Variants in SMIM17 observed in about 807,000 individuals in gnomAD.
SMIM17 encodes small integral membrane protein 17.
SMIM17 carries 10 observed loss-of-function variants against 12.2 expected under a neutral mutation model. The observed-to-expected ratio is 0.82, with a 90% CI of 0.50 to 1.39. The LOEUF (loss-of-function observed/expected upper bound fraction) is 1.39, where lower values mean the gene tolerates loss of function less well. SMIM17 is among the 40% of genes most tolerant of loss of function. The probability of loss-of-function intolerance (pLI) is 0.00; values close to 1 mark genes in which losing one functional copy is unlikely to be tolerated. For missense variants in SMIM17, 136 were observed against 118.2 expected, an observed-to-expected ratio of 1.15 and a Z score of -0.70; for synonymous variants, 50 against 44.1, an observed-to-expected ratio of 1.13 and a Z score of -0.53.
intron 3 of SMIM17, among the ~76,000 whole-genome samples, chr19:56,649,935 C>T (rs1390635458): frequency 2.0e-5 from 3 of 151,976 alleles, no homozygotes; most frequent in Admixed American, 6.6e-5. Context: ...AGTCCCACAC[C>T]GAGGAGGTTG....
At chr19:56,652,965 T>C (rs950878775) in intron 3 of SMIM17, among the ~76,000 whole-genome samples, 2 of 152,250 alleles carry the variant, frequency 1.3e-5, no homozygotes, top group Non-Finnish European at 2.9e-5. Context: ...CTATTATGTG[T>C]GATGTGTGTA....
At chr19:56,646,046 C>T (rs1404708678) in intron 2 of SMIM17, among the ~76,000 whole-genome samples, 1 of 152,162 alleles carries the variant, frequency 6.6e-6, no homozygotes, top group Non-Finnish European at 1.5e-5. Context: ...TTCTGTGGGT[C>T]AGAAGTTTGA....
intron 3 of SMIM17, among the ~76,000 whole-genome samples, chr19:56,651,029 G>A (rs1427898761): frequency 2.0e-5 from 3 of 152,178 alleles, no homozygotes; most frequent in Admixed American, 1.3e-4. Flanking sequence ...TGCATGGACA[G>A]ACCCTCCTTC....
chr19:56,646,632 G>A (rs1461872153), intron 2 of SMIM17, among the ~76,000 whole-genome samples: 2 of 152,184 alleles, frequency 1.3e-5, no homozygotes, highest in Admixed American at 6.5e-5. Context: ...GTAGGGCTAG[G>A]AAGTCAAGAA....
At chr19:56,644,842 A>G (rs997108675) in intron 1 of SMIM17, among the ~76,000 whole-genome samples, 2 of 152,158 alleles carry the variant, frequency 1.3e-5, no homozygotes, top group Admixed American at 6.5e-5. Flanking sequence ...GCACGATCCT[A>G]GCTCACTGAA....
At chr19:56,646,175 G>T (rs564992202) in intron 2 of SMIM17, among the ~76,000 whole-genome samples, 1 of 152,144 alleles carries the variant, frequency 6.6e-6, no homozygotes, top group African/African-American at 2.4e-5. Context: ...CTGGCTGTTG[G>T]CTGGCTTGGT....
At position 56,652,671 on chromosome 19, in the gene SMIM17, A is replaced by AAAAG. The variant is rs1555778634; in HGVS notation, c.247-2431_247-2430insAAGA. Among the ~76,000 whole-genome samples the AAAAG allele has an allele frequency of 6.8e-3, 1,025 of 150,338 alleles. 4 individuals carry two copies. Among genetic ancestry groups the AAAAG allele is most frequent in the Non-Finnish European group, 8.5e-3 (576 of 67,582 alleles). On this transcript the variant is annotated intron_variant, in intron 3 of 3. Transcript: ENST00000598409. ...TCCTTCTCAAAAAAAAGAAAAAAAA[A>AAAAG]AGAGAGAGAGAGAGAGAGTTATCCT...
At position 56,647,577 on chromosome 19, in the gene SMIM17, T is replaced by C. The variant is rs2045074309; in HGVS notation, c.189T>C (p.Thr63=). 6.5e-7 allele frequency: 1 copy of C among 1,535,726 alleles called. No individual in the cohort carries two copies. Among genetic ancestry groups the C allele is most frequent in the African/African-American group, 1.4e-5 (1 of 72,980 alleles). Residue 63 remains threonine (T), a synonymous_variant, in exon 3 of 4, where the codon ACT becomes ACC. Coordinates refer to ENST00000598409, the MANE Select transcript of SMIM17 (RefSeq NM_001193628.2). Reference sequence around the variant, plus strand: ...ACCCAGACCTGTCTTCTCAAGAGACTGGGCTTTCCCAGGAGTGGAGCTCGG... The same window carrying C: ...ACCCAGACCTGTCTTCTCAAGAGACCGGGCTTTCCCAGGAGTGGAGCTCGG... ...SDEKDLSSQE[T]GLSQEWSSVE...
At chr19:56,644,702 G>A (rs948932950) in intron 1 of SMIM17, among the ~76,000 whole-genome samples, 3 of 152,176 alleles carry the variant, frequency 2.0e-5, no homozygotes, top group African/African-American at 4.8e-5. Flanking sequence ...CCTTACAATA[G>A]AGAAGTATTT....
rs2045150115 is a variant in SMIM17 at position 56,656,161 on chromosome 19, G to T, written c.*948G>T. Reference sequence around the variant, plus strand: ...GGGTTTCACCGTGTTAGCCAGGATGGTCTCGATCTCCTGACCTCGTGATCC... The same window carrying T: ...GGGTTTCACCGTGTTAGCCAGGATGTTCTCGATCTCCTGACCTCGTGATCC... On this transcript the variant is annotated 3_prime_UTR_variant, in exon 4 of 4. Transcript: ENST00000598409. 6.6e-6 allele frequency among the ~76,000 whole-genome samples: 1 copy of T among 151,876 alleles called. No homozygotes were observed. The highest frequency in any genetic ancestry group is 1.5e-5 in the Non-Finnish European group (1 of 67,978).
intron 3 of SMIM17, among the ~76,000 whole-genome samples, chr19:56,651,510 C>A (rs1031987172): frequency 2.6e-5 from 4 of 152,160 alleles, no homozygotes; most frequent in African/African-American, 9.7e-5. Context: ...CCCATCATTA[C>A]CGTTCCATAA....
chr19:56,656,358 CCT>C lies in SMIM17; in HGVS notation c.*1146_*1147del, dbSNP rs554627867. Among the ~76,000 whole-genome samples, 71 of 152,116 alleles carry C rather than the reference CCT, an allele frequency of 4.7e-4. No homozygotes were observed. The highest frequency in any genetic ancestry group is 1.5e-3 in the East Asian group (8 of 5,186). On this transcript the variant is annotated 3_prime_UTR_variant, in exon 4 of 4. Transcript: ENST00000598409. The stretch of plus-strand genomic sequence containing the variant: ...AATTTCTCTTTATTTTGTTCTATCC[CCT>C]GTTTCCTGTAAACTGCTGTTTGTGG...
chr19:56,650,204 G>C (rs1323296577), intron 3 of SMIM17, among the ~76,000 whole-genome samples: 1 of 152,106 alleles, frequency 6.6e-6, no homozygotes, highest in Non-Finnish European at 1.5e-5. Flanking sequence ...ATCTCGCTCT[G>C]TCACCAGGCT....
intron 3 of SMIM17, among the ~76,000 whole-genome samples, chr19:56,654,406 A>G (rs1237032515): frequency 6.6e-6 from 1 of 152,242 alleles, no homozygotes; most frequent in African/African-American, 2.4e-5. Context: ...GCCCATGGGC[A>G]AGAAATTGGG....
rs1198714908 is a variant in SMIM17 at position 56,645,786 on chromosome 19, A to G, written c.119A>G (p.Asp40Gly). ...CCTCCTCATCCCGCCTGCACCAAAGACTGGGAGGCTGTGGAGGTTGGGGCC... is the reference window on the plus strand; with the variant it reads ...CCTCCTCATCCCGCCTGCACCAAAGGCTGGGAGGCTGTGGAGGTTGGGGCC... ...EKPPHPACTK[D>G]WEAVEVGASS... is the part of the protein sequence containing the mutation. Residue 40 changes from aspartate to glycine, a missense_variant, in exon 2 of 4, where the codon GAC becomes GGC. Transcript: ENST00000598409. The G allele has an allele frequency of 2.0e-6, 3 of 1,535,868 alleles. No homozygotes were observed. The South Asian group carries it at 3.6e-5, about 18-fold the overall frequency.
chr19:56,644,986 C>T (rs2045050846), intron 1 of SMIM17, among the ~76,000 whole-genome samples: 1 of 152,228 alleles, frequency 6.6e-6, no homozygotes, highest in Non-Finnish European at 1.5e-5. Context: ...GCTAGGATTA[C>T]AGGTGTGAGC....
intron 1 of SMIM17, among the ~76,000 whole-genome samples, chr19:56,645,181 CTATG>C (rs1317024691): frequency 6.0e-5 from 9 of 149,014 alleles, no homozygotes; most frequent in Non-Finnish European, 1.0e-4. Flanking sequence ...GTGTGTTAGT[CTATG>C]TGAGTGTGTG....
Position 56,650,577 on chromosome 19 carries a change from TCCTCTACAGATGAGG to T in SMIM17, c.246+2944_246+2958del, listed in dbSNP as rs548118828. On this transcript the variant is annotated intron_variant, in intron 3 of 3. Transcript: ENST00000598409. ...TTGTGAGATTGTTAGCATGGTTTCC[TCCTCTACAGATGAGG>T]AAACTGAGGCAGAGAGGAACCAAAT... Among the ~76,000 whole-genome samples the T allele has an allele frequency of 2.8e-3, 423 of 152,286 alleles. 3 individuals are homozygous for T. Among genetic ancestry groups the T allele is most frequent in the African/African-American group, 9.6e-3 (397 of 41,560 alleles).
intron 3 of SMIM17, among the ~76,000 whole-genome samples, chr19:56,652,910 C>T (rs2045120830): frequency 6.6e-6 from 1 of 152,060 alleles, no homozygotes; most frequent in Admixed American, 6.6e-5. Context: ...CTGCACCAGC[C>T]TGAAAAACAG....
Sources: gnomAD v4.1 joint callset for allele counts (sites outside exome capture counted in the v4.1 genomes callset) on GRCh38, gnomAD v4.1.1 for gene constraint, MANE v1.5 for transcripts, NCBI Gene and HGNC (gene_info 2026-07-23, HGNC 2026-07-21) for gene names.